The following DOCK1 variants were observed in gnomAD, a reference collection of about 807,000 sequenced individuals.
DOCK1 encodes the protein dedicator of cytokinesis protein 1.
Under a neutral mutation model 262.7 loss-of-function variants are expected in DOCK1, and 138 were observed. That is an observed-to-expected ratio of 0.53 (90% CI 0.46 to 0.61). The LOEUF (loss-of-function observed/expected upper bound fraction) is 0.61. Ranked by LOEUF, DOCK1 falls within the 20% of genes least tolerant of loss-of-function variation. The pLI, the probability that DOCK1 is intolerant of heterozygous loss-of-function variation, is 0.00. For missense variants in DOCK1, 1,908 were observed against 2,370.7 expected (o/e 0.80, Z 4.05); for synonymous variants, 866 against 867.4 (o/e 1.00, Z 0.03).
intron 28 of DOCK1, among the ~76,000 whole-genome samples, chr10:127,256,693 T>A (rs1396862014): frequency 6.6e-6 from 1 of 152,204 alleles, no homozygotes; most frequent in Non-Finnish European, 1.5e-5. Context: ...GCTGGGTGTG[T>A]ACGGAACCCT....
intron 12 of DOCK1, among the ~76,000 whole-genome samples, chr10:127,015,435 C>T (rs2041797813): frequency 6.6e-6 from 1 of 152,156 alleles, no homozygotes; most frequent in African/African-American, 2.4e-5. Flanking sequence ...CCTGTTATCT[C>T]TGAGGTCTCT....
intron 29 of DOCK1, among the ~76,000 whole-genome samples, chr10:127,285,994 C>T (rs2061139053): frequency 6.6e-6 from 1 of 152,152 alleles, no homozygotes; most frequent in Admixed American, 6.5e-5. Flanking sequence ...CAAGTGTTTT[C>T]CTCTGGTTGG....
At chr10:127,377,889 C>T (rs1440032866) in intron 35 of DOCK1, among the ~76,000 whole-genome samples, 2 of 94,286 alleles carry the variant, frequency 2.1e-5, no homozygotes, top group Admixed American at 1.3e-4. Flanking sequence ...TAGACTCTGT[C>T]TCAAAAAAAA....
chr10:126,997,791 G>A (rs1207520195), intron 7 of DOCK1: 3 of 315,784 alleles, frequency 9.5e-6, no homozygotes. Flanking sequence ...TCTAATGAGG[G>A]AACAAAAAAT....
chr10:127,278,028 C>T (rs547314323), intron 29 of DOCK1, among the ~76,000 whole-genome samples: 1 of 152,246 alleles, frequency 6.6e-6, no homozygotes, highest in African/African-American at 2.4e-5. Flanking sequence ...ACAGCTGTGT[C>T]CACTCACTAA....
At chr10:127,049,479 C>T (rs1331004450) in intron 21 of DOCK1, among the ~76,000 whole-genome samples, 1 of 151,992 alleles carries the variant, frequency 6.6e-6, no homozygotes, top group South Asian at 2.1e-4. Flanking sequence ...CACGATCACG[C>T]TACTGCACGC....
intron 44 of DOCK1, among the ~76,000 whole-genome samples, chr10:127,415,516 A>G (rs3736938): frequency 0.091 from 13,934 of 152,308 alleles, 788 homozygotes; most frequent in East Asian, 0.2. Context: ...AAATTCAGTC[A>G]TAGCTGTGCT....
intron 27 of DOCK1, among the ~76,000 whole-genome samples, chr10:127,141,233 C>T (rs913031043): frequency 5.3e-5 from 8 of 152,204 alleles, no homozygotes; most frequent in South Asian, 2.1e-4. Flanking sequence ...GATAATTATT[C>T]GTTCCCATAT....
At chr10:126,982,266 A>G (rs2039040298) in intron 4 of DOCK1, among the ~76,000 whole-genome samples, 1 of 152,210 alleles carries the variant, frequency 6.6e-6, no homozygotes, top group Admixed American at 6.5e-5. Flanking sequence ...TCTGTGAGCT[A>G]CTGACTTCAT....
intron 27 of DOCK1, among the ~76,000 whole-genome samples, chr10:127,206,922 C>A (rs918346383): frequency 1.5e-4 from 23 of 152,124 alleles, no homozygotes; most frequent in African/African-American, 5.1e-4. Context: ...TCAGTTTATT[C>A]CTGTTTTTAC....
In DOCK1 at chr10:126,938,877, G is replaced by C. The variant is rs1312268805; in HGVS notation, c.47-31825G>C. On this transcript the variant is annotated intron_variant, in intron 1 of 51. Coordinates refer to ENST00000623213, the MANE Select transcript of DOCK1 (RefSeq NM_001290223.2). ...AGAGGGGATGAGCACTGGAGGGGAT[G>C]AACACAGGAGGGGACGAACACAGGA... Among the ~76,000 whole-genome samples, 4 of 102,414 alleles carry C rather than the reference G, an allele frequency of 3.9e-5. No individual in the cohort carries two copies. In the Admixed American group the frequency reaches 4.2e-4, roughly 11 times the overall value. 67.2% of individuals were successfully genotyped at this position (102,414 alleles called of 152,430 possible). A position where few individuals can be genotyped will look rare whatever the true frequency, so the allele number is the denominator to read the frequency against.
At chr10:127,106,013 C>G (rs911361014) in intron 23 of DOCK1, among the ~76,000 whole-genome samples, 3 of 152,170 alleles carry the variant, frequency 2.0e-5, no homozygotes, top group Non-Finnish European at 4.4e-5. Context: ...GATCTGCCTG[C>G]CTCAGCCTCC....
At chr10:127,002,426 A>AT (rs1427662571) in intron 10 of DOCK1, among the ~76,000 whole-genome samples, 1 of 152,196 alleles carries the variant, frequency 6.6e-6, no homozygotes, top group Non-Finnish European at 1.5e-5. Flanking sequence ...AATTTGGAAT[A>AT]TTTTTCAGTT....
intron 2 of DOCK1, among the ~76,000 whole-genome samples, chr10:126,975,777 C>A (rs925698126): frequency 6.6e-5 from 9 of 137,224 alleles, no homozygotes; most frequent in African/African-American, 2.3e-4. Flanking sequence ...GCCACCACGC[C>A]CAGCCAATTT....
chr10:127,357,262 G>C (rs1432632043), intron 32 of DOCK1, among the ~76,000 whole-genome samples: 2 of 152,228 alleles, frequency 1.3e-5, no homozygotes, highest in African/African-American at 2.4e-5. Context: ...TTTTGTTTTT[G>C]TTTGCAAGTA....
intron 25 of DOCK1, among the ~76,000 whole-genome samples, chr10:127,111,478 G>A (rs911202690): frequency 5.3e-5 from 8 of 152,054 alleles, no homozygotes; most frequent in African/African-American, 1.9e-4. Context: ...AGCACATGAC[G>A]CTCCATTGAG....
At chr10:127,363,383 A>G (rs56926174) in intron 33 of DOCK1, among the ~76,000 whole-genome samples, 15,197 of 151,988 alleles carry the variant, frequency 0.1, 2,200 homozygotes, top group African/African-American at 0.33. Context: ...GGTGGTGCAC[A>G]CCTGTGGTCA....
At chr10:127,162,299 T>A (rs2053655359) in intron 27 of DOCK1, among the ~76,000 whole-genome samples, 1 of 152,160 alleles carries the variant, frequency 6.6e-6, no homozygotes, top group South Asian at 2.1e-4. Flanking sequence ...TGTGTCCCAA[T>A]TGATTAGTTT....
At chr10:127,408,926 A>T in intron 40 of DOCK1, 111 bp from the exon 41 acceptor site, 2 of 1,357,144 alleles carry the variant, frequency 1.5e-6, no homozygotes, top group Non-Finnish European at 9.8e-7. Context: ...TCTTAAATTT[A>T]ATGACATTTT....
Sources: gnomAD v4.1 joint callset for allele counts (sites outside exome capture counted in the v4.1 genomes callset) on GRCh38, gnomAD v4.1.1 for gene constraint, MANE v1.5 for transcripts, NCBI Gene and HGNC (gene_info 2026-07-23, HGNC 2026-07-21) for gene names.